The following MALRD1 variants were observed in gnomAD, a reference collection of about 807,000 sequenced individuals.
MALRD1 encodes the protein MAM and LDL-receptor class A domain-containing protein 1.
In MALRD1, 247 loss-of-function variants were observed where a neutral mutation model predicts 242.1. That is an observed-to-expected ratio of 1.02 (90% CI 0.92 to 1.13). The LOEUF is 1.13. MALRD1 is among the 50% of genes most tolerant of loss of function. The pLI is 0.00. For synonymous variants in MALRD1, 995 were observed against 866.6 expected (o/e 1.15, Z -2.60); for missense variants, 2,989 against 2,533.1 (o/e 1.18, Z -3.86).
chr10:19,721,662 C>T (rs1834762732), intron 38 of MALRD1: 1 of 152,144 alleles, frequency 6.6e-6, no homozygotes, highest in Non-Finnish European at 1.5e-5. Context: ...ATAGGAAGAC[C>T]ACAGGTCTTT....
rs868091169 is a variant in MALRD1, at chr10:19,347,950, C to T, written c.4081C>T (p.Pro1361Ser). Reference protein sequence around the residue: ...GHYIFIKSLFPQQPMRAARIS... With the variant: ...GHYIFIKSLFSQQPMRAARIS... ...TTACATCTTTATAAAGAGTTTGTTT[C>T]CTCAGCAGCCCATGAGAGCTGCCAG... The change falls in exon 25 of 40, where the codon CCT (proline) becomes TCT (serine). Residue 1361 changes from proline to serine, a missense_variant. Pro to Ser is a moderately conservative substitution (Grantham distance 74, BLOSUM62 -1). Coordinates refer to ENST00000454679, the MANE Select transcript of MALRD1 (RefSeq NM_001142308.3). 2.6e-6 allele frequency: 4 copies of T among 1,550,316 alleles called. No homozygotes were observed. In the South Asian group the frequency reaches 4.8e-5, roughly 18 times the overall value.
rs570925169 is a variant in MALRD1 at position 19,381,200 on chromosome 10, A to G, written c.4442-6328A>G. 6.0e-5 allele frequency among the ~76,000 whole-genome samples: 9 copies of G among 150,770 alleles called. No homozygotes were observed. In the South Asian group the frequency reaches 8.4e-4, roughly 14 times the overall value. ...TTGCAATAGTTTACTGAGAATGATG[A>G]TTTCCAATTTCATCCATGTCCCTAC... On this transcript the variant is annotated intron_variant, in intron 26 of 39. Coordinates refer to ENST00000454679, the MANE Select transcript of MALRD1 (RefSeq NM_001142308.3).
At chr10:19,099,761 A>ATTTT (rs71767071) in intron 4 of MALRD1, among the ~76,000 whole-genome samples, 9,116 of 104,846 alleles carry the variant, frequency 0.087, 317 homozygotes, top group African/African-American at 0.13. Context: ...ATATATATAT[A>ATTTT]TATTTTTTTT....
At chr10:19,229,358 T>G (rs1233291404) in intron 18 of MALRD1, among the ~76,000 whole-genome samples, 1 of 152,300 alleles carries the variant, frequency 6.6e-6, no homozygotes, top group Middle Eastern at 3.4e-3. Flanking sequence ...ATGAAACTTT[T>G]TCAGAATTTG....
At chr10:19,268,093 G>A (rs1166665355) in intron 19 of MALRD1, among the ~76,000 whole-genome samples, 2 of 152,082 alleles carry the variant, frequency 1.3e-5, no homozygotes, top group Non-Finnish European at 2.9e-5. Flanking sequence ...TGTCTAAATG[G>A]TTAGTTCACA....
Position 19,682,854 on chromosome 10 carries a change from G to A in MALRD1, c.6138-9428G>A, listed in dbSNP as rs886806356. ...AGTTGGAAGAGCAGTACTTTCTCCC[G>A]CCTGGAGCCCTTCTGATGGGATAGA... On this transcript the variant is annotated intron_variant, in intron 36 of 39. Transcript: ENST00000454679. 5.3e-5 allele frequency among the ~76,000 whole-genome samples: 8 copies of A among 152,234 alleles called. No individual in the cohort carries two copies. The East Asian group carries it at 5.8e-4, about 11-fold the overall frequency.
At chr10:19,121,686 G>A (rs1359569248) in intron 5 of MALRD1, among the ~76,000 whole-genome samples, 1 of 152,116 alleles carries the variant, frequency 6.6e-6, no homozygotes, top group African/African-American at 2.4e-5. Flanking sequence ...TGTCTAAATG[G>A]AAGACGTCAT....
intron 28 of MALRD1, among the ~76,000 whole-genome samples, chr10:19,419,849 T>A (rs1306573087): frequency 6.6e-6 from 1 of 152,168 alleles, no homozygotes; most frequent in Non-Finnish European, 1.5e-5. Flanking sequence ...GCATGATAAA[T>A]GTTTATTGAA....
intron 18 of MALRD1, among the ~76,000 whole-genome samples, chr10:19,243,342 T>A (rs1392500167): frequency 1.3e-5 from 2 of 152,162 alleles, no homozygotes; most frequent in Non-Finnish European, 2.9e-5. Flanking sequence ...CCAAAGAATG[T>A]GAAAAACTGG....
intron 26 of MALRD1, among the ~76,000 whole-genome samples, chr10:19,361,254 A>G (rs1445130755): frequency 6.6e-6 from 1 of 152,152 alleles, no homozygotes; most frequent in Non-Finnish European, 1.5e-5. Flanking sequence ...AATTAAACAG[A>G]AGAGGCATTC....
Position 19,058,201 on chromosome 10 carries a change from C to T in MALRD1, c.200-8518C>T, listed in dbSNP as rs545122467. Among the ~76,000 whole-genome samples, 31 of 152,290 alleles carry T rather than the reference C, an allele frequency of 2.0e-4. No individual in the cohort carries two copies. In the Middle Eastern group the frequency reaches 0.014, roughly 67 times the overall value. The stretch of plus-strand genomic sequence containing the variant: ...AAACGCCAGAGGACACAGAGCTGTT[C>T]CATGGAGCAGCTGGAATTCACAAAC... On this transcript the variant is annotated intron_variant, in intron 1 of 39. Coordinates refer to ENST00000454679, the MANE Select transcript of MALRD1 (RefSeq NM_001142308.3).
At chr10:19,493,663 A>G (rs1043116460) in intron 30 of MALRD1, among the ~76,000 whole-genome samples, 26 of 150,722 alleles carry the variant, frequency 1.7e-4, no homozygotes, top group African/African-American at 5.9e-4. Flanking sequence ...AAAAAAAAAA[A>G]ATTAGCCGTT....
intron 28 of MALRD1, among the ~76,000 whole-genome samples, chr10:19,425,975 C>A (rs144669532): frequency 1.3e-5 from 2 of 152,188 alleles, no homozygotes; most frequent in East Asian, 3.9e-4. Context: ...TATTTTTCTT[C>A]ATCTCTCTCC....
At chr10:19,314,202 G>T (rs1264910220) in intron 21 of MALRD1, among the ~76,000 whole-genome samples, 1 of 151,380 alleles carries the variant, frequency 6.6e-6, no homozygotes, top group Non-Finnish European at 1.5e-5. Context: ...TAACTTACTG[G>T]GCATCCAGCT....
intron 2 of MALRD1, among the ~76,000 whole-genome samples, chr10:19,084,280 A>G (rs1383112185): frequency 6.6e-6 from 1 of 151,914 alleles, no homozygotes; most frequent in South Asian, 2.1e-4. Flanking sequence ...ATCTAAGACT[A>G]CTATTTGCTC....
At chr10:19,180,059 A>G (rs1213255483) in intron 14 of MALRD1, among the ~76,000 whole-genome samples, 1 of 152,230 alleles carries the variant, frequency 6.6e-6, no homozygotes, top group East Asian at 1.9e-4. Flanking sequence ...ATTGAACACA[A>G]TTAAAAAGAG....
At chr10:19,404,717 C>A (rs1847014532) in intron 28 of MALRD1, among the ~76,000 whole-genome samples, 1 of 152,082 alleles carries the variant, frequency 6.6e-6, no homozygotes, top group Admixed American at 6.6e-5. Context: ...CACACACATA[C>A]TGCACATTAC....
At chr10:19,659,886 T>C (rs1259937324) in intron 36 of MALRD1, among the ~76,000 whole-genome samples, 1 of 152,122 alleles carries the variant, frequency 6.6e-6, no homozygotes, top group Non-Finnish European at 1.5e-5. Flanking sequence ...TTTTGTCCCC[T>C]GATTTGCTGA....
At chr10:19,328,723 G>A (rs530298130) in intron 23 of MALRD1, among the ~76,000 whole-genome samples, 1 of 152,212 alleles carries the variant, frequency 6.6e-6, no homozygotes, top group East Asian at 1.9e-4. Flanking sequence ...CCTCTCTCTG[G>A]AATCCAGTTT....
Sources: gnomAD v4.1 joint callset for allele counts (sites outside exome capture counted in the v4.1 genomes callset) on GRCh38, gnomAD v4.1.1 for gene constraint, MANE v1.5 for transcripts, NCBI Gene and HGNC (gene_info 2026-07-23, HGNC 2026-07-21) for gene names.